Variants in RPTOR observed in about 807,000 individuals in gnomAD.
RPTOR encodes regulatory associated protein of MTOR complex 1.
RPTOR carries 21 observed loss-of-function variants against 169.9 expected under a neutral mutation model. The observed-to-expected ratio is 0.12, with a 90% CI of 0.09 to 0.18. RPTOR has a LOEUF of 0.18. Among genes scored for constraint, RPTOR ranks in the 10% least tolerant of loss-of-function variants. The pLI, the probability that RPTOR is intolerant of heterozygous loss-of-function variation, is 1.00. For synonymous variants in RPTOR, 732 were observed against 753.2 expected (o/e 0.97, Z 0.46); for missense variants, 1,133 against 1,855.9 (o/e 0.61, Z 7.16).
At chr17:80,694,103 G>A (rs541775003) in intron 3 of RPTOR, among the ~76,000 whole-genome samples, 51 of 152,408 alleles carry the variant, frequency 3.3e-4, no homozygotes, top group Non-Finnish European at 5.4e-4. Flanking sequence ...TACAGCTGTA[G>A]AGCAAATACA....
intron 31 of RPTOR, 54 bp downstream of exon 31, chr17:80,961,534 C>T: frequency 6.6e-7 from 1 of 1,516,588 alleles, no homozygotes; most frequent in Non-Finnish European, 8.9e-7. Flanking sequence ...TTATTTTCCC[C>T]TCCATTTAAA....
At chr17:80,773,041 T>G (rs2066860311) in intron 6 of RPTOR, among the ~76,000 whole-genome samples, 1 of 152,214 alleles carries the variant, frequency 6.6e-6, no homozygotes, top group South Asian at 2.1e-4. Context: ...TGAGATTTTC[T>G]CAAAGAGCCG....
chr17:80,607,432 A>G (rs1567817564), intron 1 of RPTOR, among the ~76,000 whole-genome samples: 1 of 152,022 alleles, frequency 6.6e-6, no homozygotes, highest in Non-Finnish European at 1.5e-5. Flanking sequence ...TCTTCTGTAT[A>G]TGTTAGCTTA....
intron 14 of RPTOR, among the ~76,000 whole-genome samples, chr17:80,882,134 A>G (rs769242944): frequency 2.0e-5 from 3 of 152,246 alleles, no homozygotes; most frequent in South Asian, 2.1e-4. Context: ...AGCGCCGTCC[A>G]TGAAGCTAAG....
intron 3 of RPTOR, among the ~76,000 whole-genome samples, chr17:80,661,602 G>A (rs111828400): frequency 1.3e-5 from 2 of 152,156 alleles, no homozygotes; most frequent in African/African-American, 4.8e-5. Context: ...TATGTCCGCC[G>A]ATAAGGTCGG....
chr17:80,838,100 G>A (rs1023042648), intron 10 of RPTOR, 103 bp downstream of exon 10: 8 of 919,738 alleles, frequency 8.7e-6, no homozygotes, highest in East Asian at 2.7e-5. Flanking sequence ...CAGGACTCTC[G>A]GGTGTCAGAT....
intron 1 of RPTOR, among the ~76,000 whole-genome samples, chr17:80,595,382 G>A (rs2065137419): frequency 6.6e-6 from 1 of 152,216 alleles, no homozygotes; most frequent in Non-Finnish European, 1.5e-5. Context: ...TCCATTGTGA[G>A]GACGTGCCTG....
intron 6 of RPTOR, among the ~76,000 whole-genome samples, chr17:80,756,698 CA>C (rs2066684007): frequency 6.6e-6 from 1 of 152,164 alleles, no homozygotes; most frequent in Admixed American, 6.5e-5. Flanking sequence ...GTAGAAAAAA[CA>C]GTCTTGAAAA....
chr17:80,548,371 G>GTTT lies in RPTOR; in HGVS notation c.162+2605_162+2607dup, dbSNP rs34301408. On this transcript the variant is annotated intron_variant, in intron 1 of 33. Transcript: ENST00000306801. ...CAGCCAACACGCTCAGCCTGGGGTG[G>GTTT]TTTTTTTTTTTTTTTTTTTTTTTTT... Among the ~76,000 whole-genome samples, 39 of 63,436 alleles carry GTTT rather than the reference G, an allele frequency of 6.1e-4. 2 individuals carry two copies. The highest frequency in any genetic ancestry group is 1.2e-3 in the African/African-American group (23 of 18,998). The allele number at this position is 63,436 out of a possible 152,430, so 41.6% of individuals were successfully genotyped here. A position where few individuals can be genotyped will look rare whatever the true frequency, so the allele number is the denominator to read the frequency against.
intron 7 of RPTOR, among the ~76,000 whole-genome samples, chr17:80,808,114 A>G (rs1230869289): frequency 6.7e-6 from 1 of 148,204 alleles, no homozygotes; most frequent in Non-Finnish European, 1.5e-5. Flanking sequence ...GGGCAACATG[A>G]TAAGACCCTA....
intron 5 of RPTOR, among the ~76,000 whole-genome samples, chr17:80,741,457 C>T (rs1404096400): frequency 6.6e-6 from 1 of 152,172 alleles, no homozygotes; most frequent in African/African-American, 2.4e-5. Context: ...AGATGGAGGA[C>T]TTAGGCAAAA....
At chr17:80,834,896 C>G (rs2067547202) in intron 9 of RPTOR, among the ~76,000 whole-genome samples, 1 of 152,248 alleles carries the variant, frequency 6.6e-6, no homozygotes, top group East Asian at 1.9e-4. Flanking sequence ...CCTCCCCTAA[C>G]TTGCACACAC....
intron 20 of RPTOR, among the ~76,000 whole-genome samples, chr17:80,902,578 C>A (rs1453395700): frequency 1.3e-5 from 2 of 152,192 alleles, no homozygotes; most frequent in Non-Finnish European, 2.9e-5. Flanking sequence ...CCTGTCCCGG[C>A]CCCCAGCCCA....
intron 4 of RPTOR, among the ~76,000 whole-genome samples, chr17:80,714,223 G>A (rs1042216606): frequency 6.6e-6 from 1 of 152,150 alleles, no homozygotes; most frequent in African/African-American, 2.4e-5. Flanking sequence ...TTACGGATGT[G>A]AGCCACCGTG....
chr17:80,637,599 C>T (rs563411257), intron 2 of RPTOR, among the ~76,000 whole-genome samples: 6 of 152,318 alleles, frequency 3.9e-5, no homozygotes, highest in African/African-American at 1.2e-4. Context: ...TGAAGAGCTG[C>T]GCGTGCCCCA....
intron 6 of RPTOR, among the ~76,000 whole-genome samples, chr17:80,771,493 G>A (rs1031133004): frequency 1.3e-5 from 2 of 152,098 alleles, no homozygotes; most frequent in African/African-American, 4.8e-5. Context: ...ACGGAAGGGG[G>A]TACCTCCCAA....
intron 9 of RPTOR, among the ~76,000 whole-genome samples, chr17:80,835,005 A>G (rs2143663183): frequency 6.6e-6 from 1 of 152,346 alleles, no homozygotes; most frequent in East Asian, 1.9e-4. Context: ...CTGTCTTAAC[A>G]AAGAGTAAAA....
intron 28 of RPTOR, among the ~76,000 whole-genome samples, chr17:80,954,775 G>A (rs1048576796): frequency 5.3e-5 from 8 of 152,160 alleles, no homozygotes; most frequent in Admixed American, 1.3e-4. Context: ...AAATTAGCTG[G>A]ACATGGTGGC....
At chr17:80,883,205 TC>T (rs759994056) in intron 14 of RPTOR, among the ~76,000 whole-genome samples, 2 of 152,198 alleles carry the variant, frequency 1.3e-5, no homozygotes, top group African/African-American at 2.4e-5. Flanking sequence ...AGCAGTCTGT[TC>T]ACTCCGGGAG....
Sources: gnomAD v4.1 joint callset for allele counts (sites outside exome capture counted in the v4.1 genomes callset) on GRCh38, gnomAD v4.1.1 for gene constraint, MANE v1.5 for transcripts, NCBI Gene and HGNC (gene_info 2026-07-23, HGNC 2026-07-21) for gene names.